The following KIF6 variants were observed in gnomAD, a reference collection of about 807,000 sequenced individuals.
KIF6 encodes kinesin family member 6.
Under a neutral mutation model 112.7 loss-of-function variants are expected in KIF6, and 106 were observed. The observed-to-expected ratio is 0.94, with a 90% CI of 0.80 to 1.11. The LOEUF (loss-of-function observed/expected upper bound fraction) is 1.11. Ranked by LOEUF, KIF6 falls within the 50% of genes least tolerant of loss-of-function variation. KIF6 has a pLI of 0.00. For synonymous variants in KIF6, 339 were observed against 339.9 expected (o/e 1.00, Z 0.03); for missense variants, 929 against 964.0 (o/e 0.96, Z 0.48).
intron 16 of KIF6, among the ~76,000 whole-genome samples, chr6:39,366,640 C>T (rs543259649): frequency 3.3e-5 from 5 of 152,236 alleles, no homozygotes; most frequent in South Asian, 2.1e-4. Context: ...ATGCAGAAAT[C>T]GGGGCACAGA....
chr6:39,673,184 G>T (rs755241201), intron 3 of KIF6, among the ~76,000 whole-genome samples: 6 of 152,140 alleles, frequency 3.9e-5, no homozygotes, highest in Non-Finnish European at 8.8e-5. Context: ...AACAAACCAG[G>T]CATCTGATTA....
chr6:39,440,327 G>C (rs1460730037), intron 13 of KIF6, among the ~76,000 whole-genome samples: 2 of 152,128 alleles, frequency 1.3e-5, no homozygotes, highest in African/African-American at 4.8e-5. Flanking sequence ...TGAAGGTAAG[G>C]GAACAGCTCT....
chr6:39,498,524 A>T (rs1775917096), intron 13 of KIF6, among the ~76,000 whole-genome samples: 1 of 152,194 alleles, frequency 6.6e-6, no homozygotes, highest in African/African-American at 2.4e-5. Context: ...GAAGGGCAGG[A>T]TAGTAGATTT....
chr6:39,401,879 C>A (rs1768734835), intron 15 of KIF6, among the ~76,000 whole-genome samples: 1 of 152,054 alleles, frequency 6.6e-6, no homozygotes, highest in Admixed American at 6.5e-5. Flanking sequence ...AAACCTAATT[C>A]TTTGGCAACA....
chr6:39,426,454 A>C (rs1013232028), intron 14 of KIF6, among the ~76,000 whole-genome samples: 8 of 152,186 alleles, frequency 5.3e-5, no homozygotes, highest in African/African-American at 1.9e-4. Flanking sequence ...AAACCTTTCT[A>C]TTAAGTAACA....
intron 18 of KIF6, among the ~76,000 whole-genome samples, chr6:39,359,156 T>G (rs1256097504): frequency 6.6e-6 from 1 of 152,200 alleles, no homozygotes; most frequent in Non-Finnish European, 1.5e-5. Flanking sequence ...GGCTCTCAGT[T>G]TTCTTGTCCT....
At chr6:39,566,423 A>C (rs189759879) in intron 10 of KIF6, among the ~76,000 whole-genome samples, 1 of 152,182 alleles carries the variant, frequency 6.6e-6, no homozygotes, top group Non-Finnish European at 1.5e-5. Flanking sequence ...AACATCTCCT[A>C]TTCAGGGAGT....
At chr6:39,425,437 C>A (rs1212863763) in intron 14 of KIF6, among the ~76,000 whole-genome samples, 3 of 152,040 alleles carry the variant, frequency 2.0e-5, no homozygotes, top group African/African-American at 7.2e-5. Context: ...ACCCTTTGTT[C>A]CCCTTATGCT....
chr6:39,596,435 C>T (rs949588345), intron 6 of KIF6, among the ~76,000 whole-genome samples, 175 bp from the exon 7 acceptor site: 2 of 152,070 alleles, frequency 1.3e-5, no homozygotes, highest in African/African-American at 2.4e-5. Context: ...AATGTATTAC[C>T]TCTTGGATTA....
intron 13 of KIF6, among the ~76,000 whole-genome samples, chr6:39,517,707 T>C (rs1777161365): frequency 6.6e-6 from 1 of 152,184 alleles, no homozygotes; most frequent in Non-Finnish European, 1.5e-5. Flanking sequence ...AGTTATAAAA[T>C]GAATATGATA....
At chr6:39,517,345 A>T (rs1777142434) in intron 13 of KIF6, among the ~76,000 whole-genome samples, 1 of 152,202 alleles carries the variant, frequency 6.6e-6, no homozygotes, top group South Asian at 2.1e-4. Context: ...TGTTAAGGAG[A>T]CACTGAACAT....
At position 39,714,692 on chromosome 6, in the gene KIF6, C is replaced by T; in HGVS notation, c.251G>A (p.Ser84Asn). Reference sequence around the variant, plus strand: ...CTGAACAAAATATGGGAAATCCTACCTCCCAGCAACTGGTTTGGCAATGTT... The same window carrying T: ...CTGAACAAAATATGGGAAATCCTACTTCCCAGCAACTGGTTTGGCAATGTT... Reference protein sequence around the residue: ...FENIAKPVAGSVLAGYNGTIF... With the variant: ...FENIAKPVAGNVLAGYNGTIF... The change falls in exon 3 of 23, where the codon AGT (serine) becomes AAT (asparagine). Residue 84 changes from serine to asparagine, a missense_variant and splice_region_variant. Coordinates refer to ENST00000287152, the MANE Select transcript of KIF6 (RefSeq NM_145027.6). 1 of 1,612,122 alleles carries T rather than the reference C, an allele frequency of 6.2e-7. No homozygotes were observed. The highest frequency in any genetic ancestry group is 8.5e-7 in the Non-Finnish European group (1 of 1,178,418).
At chr6:39,365,126 T>C (rs1434905833) in intron 16 of KIF6, among the ~76,000 whole-genome samples, 5 of 152,228 alleles carry the variant, frequency 3.3e-5, no homozygotes, top group Admixed American at 3.3e-4. Context: ...ACCCATTTGT[T>C]ACCTGTGTCT....
chr6:39,649,650 CT>C (rs1785357421), intron 3 of KIF6, among the ~76,000 whole-genome samples: 3 of 151,748 alleles, frequency 2.0e-5, no homozygotes, highest in South Asian at 4.2e-4. Flanking sequence ...AATTGTTTGC[CT>C]TCCATGGAAT....
At position 39,523,645 on chromosome 6, in the gene KIF6, C is replaced by CAT. The variant is rs56952665; in HGVS notation, c.1645+16356_1645+16357dup. On this transcript the variant is annotated intron_variant, in intron 13 of 22. Coordinates refer to ENST00000287152, the MANE Select transcript of KIF6 (RefSeq NM_145027.6). ...TACTTCCCTCCCCTATTAATTCTGC[C>CAT]ATATATATATATATATATATATATA... Among the ~76,000 whole-genome samples, 177 of 32,476 alleles carry CAT rather than the reference C, an allele frequency of 5.5e-3. 2 individuals are homozygous for CAT. The highest frequency in any genetic ancestry group is 9.2e-3 in the Non-Finnish European group (125 of 13,582). The allele number at this position is 32,476 out of a possible 152,430, so 21.3% of individuals were successfully genotyped here. A position where few individuals can be genotyped will look rare whatever the true frequency, so the allele number is the denominator to read the frequency against.
At chr6:39,541,816 G>A (rs1778804545) in intron 12 of KIF6, among the ~76,000 whole-genome samples, 1 of 152,142 alleles carries the variant, frequency 6.6e-6, no homozygotes, top group South Asian at 2.1e-4. Context: ...ACCAGCCAGA[G>A]GAAGAACATC....
At chr6:39,587,965 G>C (rs1043766834) in intron 7 of KIF6, among the ~76,000 whole-genome samples, 14 of 152,220 alleles carry the variant, frequency 9.2e-5, no homozygotes, top group Non-Finnish European at 1.8e-4. Context: ...CTTCTGAGCT[G>C]AGTAAGCATG....
At chr6:39,421,806 A>G (rs1301881262) in intron 14 of KIF6, among the ~76,000 whole-genome samples, 7 of 152,144 alleles carry the variant, frequency 4.6e-5, no homozygotes. Context: ...GTACAGTTCC[A>G]CTTGATGCAA....
At chr6:39,611,543 A>G (rs1416166221) in intron 6 of KIF6, among the ~76,000 whole-genome samples, 1 of 152,184 alleles carries the variant, frequency 6.6e-6, no homozygotes, top group East Asian at 1.9e-4. Flanking sequence ...GGTGAGGGAA[A>G]GTAATTGGCA....
Sources: gnomAD v4.1 joint callset for allele counts (sites outside exome capture counted in the v4.1 genomes callset) on GRCh38, gnomAD v4.1.1 for gene constraint, MANE v1.5 for transcripts, NCBI Gene and HGNC (gene_info 2026-07-23, HGNC 2026-07-21) for gene names.